Variants in SULT6B1 observed in about 807,000 individuals in gnomAD.
SULT6B1 encodes sulfotransferase family 6B member 1, also known as sulfotransferase 6B1.
In SULT6B1, 44 loss-of-function variants were observed where a neutral mutation model predicts 37.2. That is an observed-to-expected ratio of 1.18 (90% CI 0.93 to 1.52). The LOEUF is 1.52. Among genes scored for constraint, SULT6B1 ranks in the 40% most tolerant of loss-of-function variants. The pLI, the probability that SULT6B1 is intolerant of heterozygous loss-of-function variation, is 0.00. For missense variants in SULT6B1, 450 were observed against 361.0 expected (o/e 1.25, Z -2.00); for synonymous variants, 140 against 126.0 (o/e 1.11, Z -0.74).
At chr2:37,170,244 A>C (rs1048563920) in intron 6 of SULT6B1, among the ~76,000 whole-genome samples, 2 of 149,254 alleles carry the variant, frequency 1.3e-5, no homozygotes, top group African/African-American at 4.9e-5. Context: ...GAATGGGTGG[A>C]TCACCTGAGG....
chr2:37,187,203 T>C (rs1676692694), intron 2 of SULT6B1, 152 bp downstream of exon 2: 1 of 518,742 alleles, frequency 1.9e-6, no homozygotes, highest in African/African-American at 1.9e-5. Context: ...AATGAGATGA[T>C]ACCTGAACAG....
intron 1 of SULT6B1, 108 bp from the exon 2 acceptor site, chr2:37,187,575 G>C (rs561088842): frequency 7.0e-5 from 40 of 575,496 alleles, no homozygotes; most frequent in Non-Finnish European, 1.1e-4. Context: ...ACCATTCCCT[G>C]ATGTGTATAT....
At position 37,171,425 on chromosome 2, in the gene SULT6B1, C is replaced by A; in HGVS notation, c.781+9G>T. 2 of 1,609,006 alleles carry A rather than the reference C, an allele frequency of 1.2e-6. No homozygotes were observed. Among genetic ancestry groups the A allele is most frequent in the Non-Finnish European group, 1.7e-6 (2 of 1,177,854 alleles). The stretch of plus-strand genomic sequence containing the variant: ...CTGATAACAATCCCAGAAACCAATG[C>A]GACTTTACCTTTGCGGAAAAGGAAT... On this transcript the variant is annotated intron_variant, in intron 6 of 6. Transcript: ENST00000535679.
At chr2:37,195,517 T>A (rs986996199) in intron 1 of SULT6B1, among the ~76,000 whole-genome samples, 1 of 152,144 alleles carries the variant, frequency 6.6e-6, no homozygotes, top group Non-Finnish European at 1.5e-5. Context: ...CAGAGTTAGC[T>A]CCAGCTATCA....
intron 4 of SULT6B1, among the ~76,000 whole-genome samples, chr2:37,177,504 AC>A: frequency 6.6e-6 from 1 of 152,042 alleles, no homozygotes; most frequent in South Asian, 2.1e-4. Flanking sequence ...AAAGTCAGAT[AC>A]ATAATAGAGA....
intron 1 of SULT6B1, among the ~76,000 whole-genome samples, 170 bp from the exon 2 acceptor site, chr2:37,187,637 T>A (rs907371510): frequency 6.6e-6 from 1 of 152,232 alleles, no homozygotes; most frequent in African/African-American, 2.4e-5. Context: ...AATGGTTTGA[T>A]TGAAAACAGC....
At position 37,188,501 on chromosome 2, in the gene SULT6B1, G is replaced by A. The variant is rs769354804; in HGVS notation, c.140C>T (p.Ala47Val). The change falls in exon 1 of 7, where the codon GCG becomes GTG. Residue 47 changes from alanine (A) to valine (V), a missense_variant. Physicochemically the swap from Ala to Val is moderately conservative, Grantham distance 64 (BLOSUM62 0). Coordinates refer to ENST00000535679, the MANE Select transcript of SULT6B1 (RefSeq NM_001367551.1). ...ITMCTSETFQ[A>V]LDTFEARHDD... ...ATGTCTGGCTTCGAAGGTGTCCAGC[G>A]CTTGGAAAGTTTCTGAGGTGCACAT... 1.8e-5 allele frequency: 29 copies of A among 1,614,074 alleles called. No individual in the cohort carries two copies. Among genetic ancestry groups the A allele is most frequent in the Middle Eastern group, 1.6e-4 (1 of 6,084 alleles).
At chr2:37,182,569 T>A (rs911843386) in intron 3 of SULT6B1, among the ~76,000 whole-genome samples, 1 of 152,178 alleles carries the variant, frequency 6.6e-6, no homozygotes, top group South Asian at 2.1e-4. Flanking sequence ...CTTCAAGTGA[T>A]CTGCCCACCT....
intron 6 of SULT6B1, among the ~76,000 whole-genome samples, chr2:37,170,409 G>T (rs182781942): frequency 6.6e-6 from 1 of 152,126 alleles, no homozygotes; most frequent in African/African-American, 2.4e-5. Flanking sequence ...GGAGGTTGCC[G>T]TGAGCCGAGA....
At chr2:37,186,281 T>C (rs1421662592) in intron 2 of SULT6B1, among the ~76,000 whole-genome samples, 1 of 152,168 alleles carries the variant, frequency 6.6e-6, no homozygotes, top group East Asian at 1.9e-4. Context: ...CCCCCTTGAA[T>C]ACAGCCTTCC....
intron 2 of SULT6B1, among the ~76,000 whole-genome samples, chr2:37,185,349 G>A (rs941400403): frequency 5.9e-5 from 9 of 152,138 alleles, no homozygotes; most frequent in African/African-American, 2.2e-4. Flanking sequence ...GGAAAAATAT[G>A]TACTCCAGAA....
At chr2:37,181,598 C>A (rs1399918445) in intron 3 of SULT6B1, among the ~76,000 whole-genome samples, 3 of 147,552 alleles carry the variant, frequency 2.0e-5, no homozygotes, top group Non-Finnish European at 3.0e-5. Context: ...CAAGGCTGGT[C>A]TTGAACTCCT....
chr2:37,192,558 G>A (rs183209155), upstream of SULT6B1, among the ~76,000 whole-genome samples: 1 of 152,320 alleles, frequency 6.6e-6, no homozygotes, highest in Admixed American at 6.5e-5. Flanking sequence ...GATATTAGCT[G>A]TAGTTGCAAA....
chr2:37,170,473 A>AT (rs997240698), intron 6 of SULT6B1, among the ~76,000 whole-genome samples: 10 of 151,096 alleles, frequency 6.6e-5, no homozygotes, highest in Non-Finnish European at 8.8e-5. Context: ...TCTCAAAAAA[A>AT]ATATATAAAA....
At chr2:37,169,397 G>C (rs72790693) in intron 6 of SULT6B1, among the ~76,000 whole-genome samples, 3,142 of 152,278 alleles carry the variant, frequency 0.021, 58 homozygotes, top group Non-Finnish European at 0.036. Flanking sequence ...ATGTGACAAT[G>C]GAAAATTAAT....
upstream of SULT6B1, among the ~76,000 whole-genome samples, chr2:37,193,579 GAAA>G (rs1349586538): frequency 0.065 from 8,637 of 132,886 alleles, 472 homozygotes; most frequent in East Asian, 0.27. Flanking sequence ...AAAAAAAGAA[GAAA>G]AAGAAGAAGA....
chr2:37,191,781 C>T (rs562516184), upstream of SULT6B1, among the ~76,000 whole-genome samples: 1 of 152,274 alleles, frequency 6.6e-6, no homozygotes, highest in East Asian at 1.9e-4. Context: ...TGGTGTAGGG[C>T]AGCCGCCCCA....
intron 2 of SULT6B1, among the ~76,000 whole-genome samples, chr2:37,183,943 C>T (rs1167555739): frequency 1.3e-5 from 2 of 152,156 alleles, no homozygotes; most frequent in Admixed American, 6.6e-5. Flanking sequence ...TGCACCCGGC[C>T]AATTTTTCTT....
chr2:37,168,440 G>A, intron 6 of SULT6B1, among the ~76,000 whole-genome samples: 1 of 152,168 alleles, frequency 6.6e-6, no homozygotes, highest in East Asian at 1.9e-4. Flanking sequence ...ACAGGCGTGA[G>A]CTACTGCGCC....
Sources: gnomAD v4.1 joint callset for allele counts (sites outside exome capture counted in the v4.1 genomes callset) on GRCh38, gnomAD v4.1.1 for gene constraint, MANE v1.5 for transcripts, NCBI Gene and HGNC (gene_info 2026-07-23, HGNC 2026-07-21) for gene names.